Variants in SLC7A6OS observed in about 807,000 individuals in gnomAD.
The protein encoded by SLC7A6OS is solute carrier family 7 member 6 opposite strand, also known as probable RNA polymerase II nuclear localization protein SLC7A6OS.
SLC7A6OS carries 22 observed loss-of-function variants against 34.3 expected under a neutral mutation model. The observed-to-expected ratio is 0.64, with a 90% CI of 0.46 to 0.92. The LOEUF (loss-of-function observed/expected upper bound fraction) is 0.92. Ranked by LOEUF, SLC7A6OS falls within the 40% of genes least tolerant of loss-of-function variation. The pLI is 0.00. For missense variants in SLC7A6OS, 434 were observed against 407.7 expected (o/e 1.06, Z -0.56); for synonymous variants, 199 against 165.0 (o/e 1.21, Z -1.58).
rs2043250547 is a variant in SLC7A6OS at position 68,300,477 on chromosome 16, G to A, written c.*798C>T. 1 of 315,224 alleles carries A rather than the reference G, an allele frequency of 3.2e-6. No individual in the cohort carries two copies. The highest frequency in any genetic ancestry group is 4.6e-6 in the Non-Finnish European group (1 of 217,584). The allele number at this position is 315,224 out of a possible 1,614,324, so 19.5% of individuals were successfully genotyped here. ...AAGAGTAAACATTACTCAGTGGAAA[G>A]CTAAGTTCAGAAGGTACTTTGTTTT... On this transcript the variant is annotated 3_prime_UTR_variant, in exon 5 of 5. Coordinates refer to ENST00000263997, the MANE Select transcript of SLC7A6OS (RefSeq NM_032178.3).
chr16:68,302,243 A>T, intron 4 of SLC7A6OS, 138 bp downstream of exon 4: 1 of 967,580 alleles, frequency 1.0e-6, no homozygotes, highest in Non-Finnish European at 1.6e-6. Flanking sequence ...TGGGTCTCCT[A>T]CAGCATGGCT....
At chr16:68,304,345 G>C in intron 2 of SLC7A6OS, 113 bp from the exon 3 acceptor site, 6 of 921,596 alleles carry the variant, frequency 6.5e-6, no homozygotes, top group Non-Finnish European at 1.0e-5. Flanking sequence ...TTTTGAGACG[G>C]AGTCTCACTC....
intron 3 of SLC7A6OS, 89 bp from the exon 4 acceptor site, chr16:68,302,590 T>C: frequency 6.5e-7 from 1 of 1,540,246 alleles, no homozygotes. Context: ...CTTGAAGAGA[T>C]ATCATGTAAA....
In SLC7A6OS at chr16:68,301,100, C is replaced by A; in HGVS notation, c.*175G>T. On this transcript the variant is annotated 3_prime_UTR_variant, in exon 5 of 5. Coordinates refer to ENST00000263997, the MANE Select transcript of SLC7A6OS (RefSeq NM_032178.3). ...GGTCCTACTGTAAGTGGAAAAGACT[C>A]ACTCCCCTAACATAAGTTTTCACTG... is the stretch of plus-strand genomic sequence containing the variant. 1 of 1,322,072 alleles carries A rather than the reference C, an allele frequency of 7.6e-7. No individual in the cohort carries two copies. Among genetic ancestry groups the A allele is most frequent in the Non-Finnish European group, 9.7e-7 (1 of 1,033,752 alleles). The allele number at this position is 1,322,072 out of a possible 1,614,324, so 81.9% of individuals were successfully genotyped here.
Position 68,304,252 on chromosome 16 carries a change from T to A in SLC7A6OS, c.472-20A>T, listed in dbSNP as rs1567602839. The stretch of plus-strand genomic sequence containing the variant: ...AGATGTCTGTAAAGAAACCACAGAT[T>A]ACACACACACGCATGACCCAAAACA... On this transcript the variant is annotated intron_variant, in intron 2 of 4. Transcript: ENST00000263997. The A allele has an allele frequency of 1.2e-6, 2 of 1,605,314 alleles. No individual in the cohort carries two copies.
rs767203433 is a variant in SLC7A6OS at position 68,310,885 on chromosome 16, C to T, written c.42G>A (p.Lys14=). ...GAGCCTCCGCCGGCTCCGCACTGCGCTTCCGCTTCACCCGGAGTACAGCGG... is the reference window on the plus strand; with the variant it reads ...GAGCCTCCGCCGGCTCCGCACTGCGTTTCCGCTTCACCCGGAGTACAGCGG... ...ARTAVLRVKR[K]RSAEPAEALV... The change falls in exon 1 of 5, where the codon AAG becomes AAA. Residue 14 remains lysine, a synonymous_variant. Coordinates refer to ENST00000263997, the MANE Select transcript of SLC7A6OS (RefSeq NM_032178.3). 3.1e-6 allele frequency: 5 copies of T among 1,605,842 alleles called. No individual in the cohort carries two copies. The highest frequency in any genetic ancestry group is 4.2e-6 in the Non-Finnish European group (5 of 1,177,514).
intron 2 of SLC7A6OS, among the ~76,000 whole-genome samples, chr16:68,309,962 C>A (rs1260306085): frequency 6.6e-6 from 1 of 152,218 alleles, no homozygotes; most frequent in Non-Finnish European, 1.5e-5. Flanking sequence ...CTGCCATTCA[C>A]CTTCTGCAAG....
rs2043257353 is a variant in SLC7A6OS at position 68,300,829 on chromosome 16, C to A, written c.*446G>T. ...AGTCTGTATTGCTACAAGGGACCCA[C>A]TGGTACCCCTTTTAGATTCTATCAA... On this transcript the variant is annotated 3_prime_UTR_variant, in exon 5 of 5. Transcript: ENST00000263997. 1.0e-6 allele frequency: 1 copy of A among 986,446 alleles called. No individual in the cohort carries two copies. The highest frequency in any genetic ancestry group is 1.7e-5 in the African/African-American group (1 of 57,256). The allele number at this position is 986,446 out of a possible 1,614,324, so 61.1% of individuals were successfully genotyped here.
Position 68,301,233 on chromosome 16 carries a change from C to T in SLC7A6OS, c.*42G>A. The T allele has an allele frequency of 1.2e-6, 2 of 1,600,790 alleles. No homozygotes were observed. The highest frequency in any genetic ancestry group is 1.7e-6 in the Non-Finnish European group (2 of 1,171,794). On this transcript the variant is annotated 3_prime_UTR_variant, in exon 5 of 5. Transcript: ENST00000263997. ...GGCAGTTAACTCTGGACTCAGAGCC[C>T]TCAAGGGCATGTGGCAGAACCTCAT...
At position 68,310,589 on chromosome 16, in the gene SLC7A6OS, G is replaced by C. The variant is rs199687567; in HGVS notation, c.217C>G (p.Arg73Gly). ...SQEEPVQPLL[R>G]EVLRPSRDSQ... ...TCCCGTGACGGGCGCAGAACTTCCC[G>C]CAGGAGAGGCTGGACTGGTTCCTCC... is the stretch of plus-strand genomic sequence containing the variant. Residue 73 changes from arginine (R) to glycine (G), a missense_variant, in exon 2 of 5, where the codon CGG becomes GGG. Physicochemically the swap from Arg to Gly is moderately radical, Grantham distance 125. Transcript: ENST00000263997. 479 of 1,595,122 alleles carry C rather than the reference G, an allele frequency of 3.0e-4. No individual in the cohort carries two copies. In the African/African-American group the frequency reaches 5.7e-3, roughly 19 times the overall value.
At position 68,298,692 on chromosome 16, in the gene SLC7A6OS, G is replaced by C. The variant is rs2151236106; in HGVS notation, c.*2583C>G. 1 of 152,428 alleles carries C rather than the reference G, an allele frequency of 6.6e-6. No individual in the cohort carries two copies. Among genetic ancestry groups the C allele is most frequent in the East Asian group, 1.9e-4 (1 of 5,186 alleles). 9.4% of individuals were successfully genotyped at this position (152,428 alleles called of 1,614,324 possible). ...CAACCTGAGTCCGGCTCTTCAGCAGGCTGCACAAGTGGAAGCAACTAATTC... is the reference window on the plus strand; with the variant it reads ...CAACCTGAGTCCGGCTCTTCAGCAGCCTGCACAAGTGGAAGCAACTAATTC... On this transcript the variant is annotated 3_prime_UTR_variant, in exon 5 of 5. Transcript: ENST00000263997.
At chr16:68,310,242 T>A (rs2043440732) in intron 2 of SLC7A6OS, 93 bp downstream of exon 2, 3 of 1,350,834 alleles carry the variant, frequency 2.2e-6, no homozygotes, top group Admixed American at 2.6e-5. Context: ...GGATCATCCA[T>A]CCCCTTAAGA....
chr16:68,310,572 C>T lies in SLC7A6OS; in HGVS notation c.234G>A (p.Pro78=). Residue 78 remains proline, a synonymous_variant, in exon 2 of 5, where the codon CCG becomes CCA. Coordinates refer to ENST00000263997, the MANE Select transcript of SLC7A6OS (RefSeq NM_032178.3). The part of the protein sequence containing the change: ...VQPLLREVLR[P]SRDSQQRVRR... ...GGACACGCTGCTGGCTGTCCCGTGA[C>T]GGGCGCAGAACTTCCCGCAGGAGAG... The T allele has an allele frequency of 6.3e-7, 1 of 1,587,444 alleles. No individual in the cohort carries two copies. Among genetic ancestry groups the T allele is most frequent in the Non-Finnish European group, 8.6e-7 (1 of 1,168,584 alleles).
At chr16:68,310,193 G>A (rs1469826856) in intron 2 of SLC7A6OS, 142 bp downstream of exon 2, 4 of 959,872 alleles carry the variant, frequency 4.2e-6, no homozygotes, top group Admixed American at 3.0e-5. Context: ...CATGTTGGAT[G>A]AACAACCAAA....
chr16:68,302,429 T>C lies in SLC7A6OS; in HGVS notation c.751A>G (p.Asn251Asp). The C allele has an allele frequency of 2.5e-6, 4 of 1,614,190 alleles. No individual in the cohort carries two copies. Among genetic ancestry groups the C allele is most frequent in the Non-Finnish European group, 3.4e-6 (4 of 1,180,008 alleles). Residue 251 changes from asparagine (N) to aspartate (D), a missense_variant, in exon 4 of 5, where the codon AAT becomes GAT. Physicochemically the swap from Asn to Asp is conservative, Grantham distance 23. Coordinates refer to ENST00000263997, the MANE Select transcript of SLC7A6OS (RefSeq NM_032178.3). ...CTGCTCTCCTCCTCTGGGTACTCAT[T>C]GCGCCAGTTATTCTCACTGTTCTCG... The part of the protein sequence containing the change: ...DDENSENNWR[N>D]EYPEEESSDG...
rs749953358 is a variant in SLC7A6OS at position 68,301,243 on chromosome 16, T to C, written c.*32A>G. On this transcript the variant is annotated 3_prime_UTR_variant, in exon 5 of 5. Coordinates refer to ENST00000263997, the MANE Select transcript of SLC7A6OS (RefSeq NM_032178.3). ...TCTGGACTCAGAGCCCTCAAGGGCA[T>C]GTGGCAGAACCTCATGGACATCACA... 6.9e-6 allele frequency: 11 copies of C among 1,605,570 alleles called. No homozygotes were observed. The highest frequency in any genetic ancestry group is 4.0e-5 in the African/African-American group (3 of 74,610).
rs943090568 is a variant in SLC7A6OS, at chr16:68,298,607, T to C, written c.*2668A>G. On this transcript the variant is annotated 3_prime_UTR_variant, in exon 5 of 5. Transcript: ENST00000263997. ...TGCAGTCTCAGGAAGAGCTTGGTAC[T>C]TGTGGGGACTTCTGTTTTCTCCCTG... is the stretch of plus-strand genomic sequence containing the variant. 3.3e-5 allele frequency: 5 copies of C among 152,280 alleles called. No homozygotes were observed. Among genetic ancestry groups the C allele is most frequent in the Non-Finnish European group, 5.9e-5 (4 of 68,102 alleles). 9.4% of individuals were successfully genotyped at this position (152,280 alleles called of 1,614,324 possible).
rs1567599837 is a variant in SLC7A6OS at position 68,299,812 on chromosome 16, A to C, written c.*1463T>G. On this transcript the variant is annotated 3_prime_UTR_variant, in exon 5 of 5. Coordinates refer to ENST00000263997, the MANE Select transcript of SLC7A6OS (RefSeq NM_032178.3). ...ATAACGGTGAATTATACCTTTGTGC[A>C]TGCCTAGGATGTTTGTTGTTTTAAT... The C allele has an allele frequency of 6.6e-6, 1 of 152,196 alleles. No homozygotes were observed. Among genetic ancestry groups the C allele is most frequent in the Non-Finnish European group, 1.5e-5 (1 of 68,042 alleles). 9.4% of individuals were successfully genotyped at this position (152,196 alleles called of 1,614,324 possible).
intron 2 of SLC7A6OS, among the ~76,000 whole-genome samples, chr16:68,307,037 G>A (rs2043332249): frequency 6.6e-6 from 1 of 152,082 alleles, no homozygotes; most frequent in South Asian, 2.1e-4. Context: ...ACAGCATTTT[G>A]TACTGTTAAA....
Sources: gnomAD v4.1 joint callset for allele counts (sites outside exome capture counted in the v4.1 genomes callset) on GRCh38, gnomAD v4.1.1 for gene constraint, MANE v1.5 for transcripts, NCBI Gene and HGNC (gene_info 2026-07-23, HGNC 2026-07-21) for gene names.